Variants in HP1BP3 observed in about 807,000 individuals in gnomAD.
The protein encoded by HP1BP3 is heterochromatin protein 1 binding protein 3.
In HP1BP3, 12 loss-of-function variants were observed where a neutral mutation model predicts 62.5. The observed-to-expected ratio is 0.19, with a 90% CI of 0.12 to 0.31. HP1BP3 has a LOEUF of 0.31. Among genes scored for constraint, HP1BP3 ranks in the 10% least tolerant of loss-of-function variants. The pLI is 1.00. For missense variants in HP1BP3, 502 were observed against 651.8 expected (o/e 0.77, Z 2.50); for synonymous variants, 260 against 237.8 (o/e 1.09, Z -0.86).
At position 20,779,995 on chromosome 1, in the gene HP1BP3, AT is replaced by A. The variant is rs2057471185; in HGVS notation, c.97-85del. The A allele has an allele frequency of 3.0e-6, 3 of 988,948 alleles. No individual in the cohort carries two copies. In the African/African-American group the frequency reaches 4.9e-5, roughly 16 times the overall value. The allele number at this position is 988,948 out of a possible 1,614,324, so 61.3% of individuals were successfully genotyped here. A position where few individuals can be genotyped will look rare whatever the true frequency, so the allele number is the denominator to read the frequency against. ...CTCAAAGGGCCTAACTGGGTGTCAG[AT>A]GTAGGAGAATTCTTCAAGTCGACTC... is the stretch of plus-strand genomic sequence containing the variant. On this transcript the variant is annotated intron_variant, in intron 2 of 12. Coordinates refer to ENST00000438032, the MANE Select transcript of HP1BP3 (RefSeq NM_001372052.1).
rs2055145699 is a variant in HP1BP3, at chr1:20,743,517, G to C, written c.*1280C>G. 1 of 151,806 alleles carries C rather than the reference G, an allele frequency of 6.6e-6. No individual in the cohort carries two copies. Among genetic ancestry groups the C allele is most frequent in the Admixed American group, 6.6e-5 (1 of 15,224 alleles). The allele number at this position is 151,806 out of a possible 1,614,324, so 9.4% of individuals were successfully genotyped here. On this transcript the variant is annotated 3_prime_UTR_variant, in exon 13 of 13. Coordinates refer to ENST00000438032, the MANE Select transcript of HP1BP3 (RefSeq NM_001372052.1). ...ACTCTACTAAAAATACAAAAAATTA[G>C]CTGGGCGTGGTCGTGTGCGCCTGTA...
At chr1:20,760,459 T>C (rs1393690336) in intron 8 of HP1BP3, among the ~76,000 whole-genome samples, 1 of 152,052 alleles carries the variant, frequency 6.6e-6, no homozygotes, top group African/African-American at 2.4e-5. Context: ...GAGGATCGTT[T>C]GAGCCTAGGA....
rs181853646 is a variant in HP1BP3 at position 20,758,773 on chromosome 1, C to T, written c.891-1517G>A. Reference sequence around the variant, plus strand: ...CAACCCTTCCGCTGCTTCAGCCTCCCGAGTAGTTGGGACTATAGGCACATG... The same window carrying T: ...CAACCCTTCCGCTGCTTCAGCCTCCTGAGTAGTTGGGACTATAGGCACATG... On this transcript the variant is annotated intron_variant, in intron 8 of 12. Transcript: ENST00000438032. 1.6e-3 allele frequency among the ~76,000 whole-genome samples: 245 copies of T among 151,848 alleles called. 2 individuals are homozygous for T. The highest frequency in any genetic ancestry group is 6.4e-3 in the South Asian group (31 of 4,810).
chr1:20,777,941 G>C (rs12090087), intron 3 of HP1BP3, among the ~76,000 whole-genome samples: 4,297 of 152,174 alleles, frequency 0.028, 223 homozygotes, highest in African/African-American at 0.097. Context: ...ATGGTATCTG[G>C]GGATAAAGAT....
chr1:20,745,232 G>A, intron 12 of HP1BP3, 141 bp from the exon 13 acceptor site: 1 of 950,896 alleles, frequency 1.1e-6, no homozygotes, highest in Non-Finnish European at 1.5e-6. Flanking sequence ...TTTTTTACTA[G>A]AGATTTTACT....
chr1:20,776,193 C>T, intron 4 of HP1BP3: 1 of 512,798 alleles, frequency 2.0e-6, no homozygotes, highest in East Asian at 3.2e-5. Flanking sequence ...TGCCTTCTAA[C>T]ATAAGCACAC....
chr1:20,778,359 C>A lies in HP1BP3; in HGVS notation c.196+1453G>T, dbSNP rs545225779. On this transcript the variant is annotated intron_variant, in intron 3 of 12. Coordinates refer to ENST00000438032, the MANE Select transcript of HP1BP3 (RefSeq NM_001372052.1). ...ATTTCTATGTACAAAATACTGTGTA[C>A]AAAATGGGATAGAGAGAAGATTAAA... Among the ~76,000 whole-genome samples, 143 of 152,252 alleles carry A rather than the reference C, an allele frequency of 9.4e-4. 1 individual carries two copies. Among genetic ancestry groups the A allele is most frequent in the African/African-American group, 3.2e-3 (134 of 41,534 alleles).
At chr1:20,757,776 T>G (rs1262563459) in intron 8 of HP1BP3, among the ~76,000 whole-genome samples, 1 of 152,188 alleles carries the variant, frequency 6.6e-6, no homozygotes, top group African/African-American at 2.4e-5. Context: ...ATACCCAATA[T>G]GCCCAGTTCT....
At chr1:20,786,520 CA>C (rs2057842482) in intron 1 of HP1BP3, 1 of 152,322 alleles carries the variant, frequency 6.6e-6, no homozygotes, top group East Asian at 1.9e-4. Context: ...GGACCGCGGA[CA>C]CCGACGGATG....
At chr1:20,781,955 C>T (rs895359925) in intron 1 of HP1BP3, among the ~76,000 whole-genome samples, 1 of 152,138 alleles carries the variant, frequency 6.6e-6, no homozygotes, top group Non-Finnish European at 1.5e-5. Flanking sequence ...AAGCCTTATG[C>T]AAATCTGCTG....
chr1:20,745,495 C>T lies in HP1BP3; in HGVS notation c.1367+48G>A, dbSNP rs1014273235. On this transcript the variant is annotated intron_variant, in intron 12 of 12. Transcript: ENST00000438032. ...CCTCCTATAGCACTATTTTTCAGCT[C>T]TGAGGTATTTAGTGTCCTCCCCACA... 4.8e-5 allele frequency: 76 copies of T among 1,596,150 alleles called. No individual in the cohort carries two copies. In the Admixed American group the frequency reaches 1.3e-3, roughly 27 times the overall value.
intron 8 of HP1BP3, 26 bp from the exon 9 acceptor site, chr1:20,757,282 A>G: frequency 1.4e-6 from 2 of 1,409,488 alleles, no homozygotes; most frequent in South Asian, 2.4e-5. Flanking sequence ...AAAAAAAAAT[A>G]GTGATAAATA....
intron 8 of HP1BP3, among the ~76,000 whole-genome samples, chr1:20,758,073 G>C (rs564795206): frequency 6.6e-6 from 1 of 152,254 alleles, no homozygotes; most frequent in South Asian, 2.1e-4. Context: ...TTGAACCCGG[G>C]AGGCGGAGGT....
chr1:20,745,163 T>C, intron 12 of HP1BP3, 72 bp from the exon 13 acceptor site: 2 of 1,496,574 alleles, frequency 1.3e-6, no homozygotes, highest in Non-Finnish European at 1.8e-6. Context: ...AACCAGATGC[T>C]TTCTAAAGAG....
chr1:20,786,654 G>C (rs1234874076), intron 1 of HP1BP3: 1 of 152,258 alleles, frequency 6.6e-6, no homozygotes, highest in Non-Finnish European at 1.5e-5. Context: ...CTCACCACTG[G>C]GAGCTCCGTA....
chr1:20,768,817 G>A (rs1570634683), intron 6 of HP1BP3, among the ~76,000 whole-genome samples: 1 of 151,584 alleles, frequency 6.6e-6, no homozygotes, highest in Non-Finnish European at 1.5e-5. Flanking sequence ...AACAGAGCGA[G>A]ACTCCATCTC....
chr1:20,746,186 A>ATATGTG (rs1286650893), intron 11 of HP1BP3, among the ~76,000 whole-genome samples: 2,047 of 143,180 alleles, frequency 0.014, 20 homozygotes, highest in African/African-American at 0.023. Context: ...ACATACATAT[A>ATATGTG]TGTGTGTGTG....
intron 1 of HP1BP3, among the ~76,000 whole-genome samples, chr1:20,785,066 G>A (rs905895957): frequency 1.3e-5 from 2 of 152,134 alleles, no homozygotes; most frequent in Non-Finnish European, 2.9e-5. Flanking sequence ...GGGACTTCAG[G>A]TATGCGCCAC....
rs2055206127 is a variant in HP1BP3, at chr1:20,744,856, C to T, written c.1603G>A (p.Val535Ile). 6.2e-7 allele frequency: 1 copy of T among 1,613,978 alleles called. No homozygotes were observed. The change falls in exon 13 of 13, where the codon GTA becomes ATA. Residue 535 changes from valine to isoleucine, a missense_variant. This residue lies in a region of HP1BP3 where 194 missense variants were observed against 207.0 expected (regional missense o/e 0.94). Coordinates refer to ENST00000438032, the MANE Select transcript of HP1BP3 (RefSeq NM_001372052.1). ...GATTTGCCCTTGCCCGGCAATTTTA[C>T]TTCCTTTCTTGCACTGGTTGCAGGC... ...KKPATSARKE[V>I]KLPGKGKSTM...
Sources: allele counts gnomAD v4.1 joint callset (sites outside exome capture counted in the v4.1 genomes callset), GRCh38; gene constraint gnomAD v4.1.1; regional missense constraint gnomAD v4.1.1; transcripts MANE v1.5; gene names NCBI Gene and HGNC (gene_info 2026-07-23, HGNC 2026-07-21).